MPPED2: variants seen among roughly 807,000 people sequenced by gnomAD.
The protein encoded by MPPED2 is metallophosphoesterase MPPED2.
In MPPED2, 5 loss-of-function variants were observed where a neutral mutation model predicts 33.0. That is an observed-to-expected ratio of 0.15 (90% CI 0.08 to 0.32). The LOEUF (loss-of-function observed/expected upper bound fraction) is 0.32. MPPED2 is among the 10% of genes least tolerant of loss of function. The pLI, the probability that MPPED2 is intolerant of heterozygous loss-of-function variation, is 1.00. For synonymous variants in MPPED2, 136 were observed against 141.9 expected, an observed-to-expected ratio of 0.96 and a Z score of 0.29; for missense variants, 275 against 372.1, an observed-to-expected ratio of 0.74 and a Z score of 2.15.
chr11:30,546,381 G>C (rs146373408), intron 2 of MPPED2, among the ~76,000 whole-genome samples: 233 of 151,952 alleles, frequency 1.5e-3, no homozygotes, highest in African/African-American at 5.3e-3. Flanking sequence ...TTGGGAGTGG[G>C]GTTTACAAAG....
intron 4 of MPPED2, among the ~76,000 whole-genome samples, chr11:30,463,232 C>A (rs1950578249): frequency 6.6e-6 from 1 of 152,144 alleles, no homozygotes; most frequent in African/African-American, 2.4e-5. Flanking sequence ...AAAATAAACA[C>A]CAAATGATTG....
intron 2 of MPPED2, among the ~76,000 whole-genome samples, chr11:30,559,752 C>T (rs927185356): frequency 6.6e-5 from 10 of 152,128 alleles, no homozygotes; most frequent in African/African-American, 2.4e-4. Context: ...TTTAATACCT[C>T]TCCAAATAAC....
chr11:30,501,645 A>C, intron 3 of MPPED2: 1 of 977,794 alleles, frequency 1.0e-6, no homozygotes, highest in Non-Finnish European at 1.2e-6. Flanking sequence ...TTCTCTCAAG[A>C]GTGACTACTC....
At chr11:30,497,085 C>T (rs1364439704) in intron 3 of MPPED2, among the ~76,000 whole-genome samples, 1 of 152,154 alleles carries the variant, frequency 6.6e-6, no homozygotes, top group East Asian at 1.9e-4. Context: ...CTGTATGTCA[C>T]GTCTTTGGCC....
chr11:30,505,698 T>C (rs1478154654), intron 3 of MPPED2, among the ~76,000 whole-genome samples: 1 of 152,212 alleles, frequency 6.6e-6, no homozygotes, highest in African/African-American at 2.4e-5. Flanking sequence ...TTCCACCAGA[T>C]AATCACAAGA....
rs578075986 is a variant in MPPED2 at position 30,532,551 on chromosome 11, A to C, written c.310+3443T>G. ...ACAGGCCAGAGGTTGTTCTAAGAAC[A>C]GTATGAGCTTTATCACAGAGCATAT... On this transcript the variant is annotated intron_variant, in intron 3 of 6. Transcript: ENST00000358117. Among the ~76,000 whole-genome samples, 4 of 152,354 alleles carry C rather than the reference A, an allele frequency of 2.6e-5. No individual in the cohort carries two copies. The South Asian group carries it at 6.2e-4, about 24-fold the overall frequency.
At chr11:30,512,287 A>T (rs1054694730) in intron 3 of MPPED2, among the ~76,000 whole-genome samples, 2 of 149,436 alleles carry the variant, frequency 1.3e-5, no homozygotes, top group African/African-American at 4.9e-5. Flanking sequence ...GACCTCAGAC[A>T]TTCAGTGGCC....
chr11:30,532,506 C>G (rs1163524014), intron 3 of MPPED2, among the ~76,000 whole-genome samples: 1 of 152,186 alleles, frequency 6.6e-6, no homozygotes, highest in African/African-American at 2.4e-5. Flanking sequence ...TTCCTCTACT[C>G]TATTAGTTGA....
At chr11:30,444,079 T>C (rs1028694018) in intron 4 of MPPED2, among the ~76,000 whole-genome samples, 1 of 152,206 alleles carries the variant, frequency 6.6e-6, no homozygotes, top group East Asian at 1.9e-4. Flanking sequence ...AAGCTTATTA[T>C]AGTAAGTTCA....
chr11:30,543,212 A>G (rs1051327792), intron 2 of MPPED2, among the ~76,000 whole-genome samples: 4 of 152,228 alleles, frequency 2.6e-5, no homozygotes, highest in Non-Finnish European at 2.9e-5. Flanking sequence ...ATTCTCAAGG[A>G]TCTCACGTCA....
intron 2 of MPPED2, among the ~76,000 whole-genome samples, chr11:30,575,810 G>A (rs1032763005): frequency 1.1e-4 from 17 of 152,228 alleles, no homozygotes; most frequent in African/African-American, 4.1e-4. Flanking sequence ...AACTGGAGGT[G>A]GATGAGACAC....
chr11:30,386,849 A>C, exon 7 of MPPED2: 1 of 398,504 alleles, frequency 2.5e-6, no homozygotes. Context: ...TAGCAAAAGC[A>C]ATAGTAGTAG....
intron 3 of MPPED2, among the ~76,000 whole-genome samples, chr11:30,517,299 A>G (rs914732185): frequency 2.0e-4 from 30 of 152,268 alleles, no homozygotes; most frequent in African/African-American, 6.5e-4. Context: ...TTTCATTTTT[A>G]TAGCTATTGT....
chr11:30,410,645 C>T lies in MPPED2; in HGVS notation c.*823G>A. 1.0e-6 allele frequency: 1 copy of T among 985,776 alleles called. No homozygotes were observed. Among genetic ancestry groups the T allele is most frequent in the Non-Finnish European group, 1.2e-6 (1 of 829,910 alleles). The allele number at this position is 985,776 out of a possible 1,614,324, so 61.1% of individuals were successfully genotyped here. A position where few individuals can be genotyped will look rare whatever the true frequency, so the allele number is the denominator to read the frequency against. ...TCTGATGTGTTGCTATACAGCATCC[C>T]TTTGCAGTTGTACTGTCCTTGACAA... On this transcript the variant is annotated 3_prime_UTR_variant, in exon 7 of 7. Coordinates refer to ENST00000358117, the MANE Select transcript of MPPED2 (RefSeq NM_001584.3).
At chr11:30,406,088 TAGA>T (rs1475600417), downstream of MPPED2, among the ~76,000 whole-genome samples, 2 of 152,116 alleles carry the variant, frequency 1.3e-5, no homozygotes, top group Non-Finnish European at 2.9e-5. Flanking sequence ...ATCTCTCTTG[TAGA>T]AGGAGGAATT....
At chr11:30,540,963 G>C (rs1252255237) in intron 2 of MPPED2, among the ~76,000 whole-genome samples, 7 of 152,128 alleles carry the variant, frequency 4.6e-5, no homozygotes, top group Non-Finnish European at 1.0e-4. Flanking sequence ...ATTTCACTGG[G>C]GAGAATCCCT....
At chr11:30,443,951 G>C (rs544863693) in intron 4 of MPPED2, among the ~76,000 whole-genome samples, 8 of 152,160 alleles carry the variant, frequency 5.3e-5, no homozygotes, top group Non-Finnish European at 7.4e-5. Flanking sequence ...AAATTGTTAA[G>C]GGATACAAGA....
chr11:30,537,229 T>C (rs1419524447), intron 2 of MPPED2, among the ~76,000 whole-genome samples: 2 of 152,198 alleles, frequency 1.3e-5, no homozygotes, highest in African/African-American at 4.8e-5. Flanking sequence ...CAGCCTCCTT[T>C]AATTTCTCTG....
chr11:30,402,632 A>T (rs937362555), intron 6 of MPPED2, among the ~76,000 whole-genome samples: 2 of 152,242 alleles, frequency 1.3e-5, no homozygotes, highest in African/African-American at 2.4e-5. Flanking sequence ...AGGTTCATTC[A>T]GTTTTGGGTC....
Sources: gnomAD v4.1 joint callset for allele counts (sites outside exome capture counted in the v4.1 genomes callset) on GRCh38, gnomAD v4.1.1 for gene constraint, MANE v1.5 for transcripts, NCBI Gene and HGNC (gene_info 2026-07-23, HGNC 2026-07-21) for gene names.